Variants in NTM observed in about 807,000 individuals in gnomAD.
NTM encodes IgLON family member 2.
NTM carries 13 observed loss-of-function variants against 42.1 expected under a neutral mutation model. That is an observed-to-expected ratio of 0.31 (90% CI 0.20 to 0.49). NTM has a LOEUF of 0.49. NTM is among the 20% of genes least tolerant of loss of function. The pLI is 0.99. For synonymous variants in NTM, 187 were observed against 179.2 expected (o/e 1.04, Z -0.35); for missense variants, 373 against 452.8 (o/e 0.82, Z 1.60).
At chr11:131,649,670 G>C (rs1476092533) in intron 1 of NTM, among the ~76,000 whole-genome samples, 7 of 152,150 alleles carry the variant, frequency 4.6e-5, no homozygotes, top group Non-Finnish European at 8.8e-5. Flanking sequence ...GTGTTTGGGT[G>C]GGGGGAGGCG....
chr11:132,175,836 T>C (rs771569442), intron 3 of NTM, among the ~76,000 whole-genome samples: 37 of 152,172 alleles, frequency 2.4e-4, no homozygotes, highest in Non-Finnish European at 4.4e-4. Flanking sequence ...CCCCACCTCA[T>C]TCTATCTCAG....
At chr11:131,855,952 G>A (rs1375712459) in intron 1 of NTM, among the ~76,000 whole-genome samples, 1 of 152,150 alleles carries the variant, frequency 6.6e-6, no homozygotes, top group Non-Finnish European at 1.5e-5. Flanking sequence ...GTTTAAAATG[G>A]CCTACCCTGT....
At chr11:132,323,522 C>T (rs752612569) in intron 7 of NTM, among the ~76,000 whole-genome samples, 17,994 of 149,484 alleles carry the variant, frequency 0.12, 1,205 homozygotes, top group South Asian at 0.25. Flanking sequence ...TCTGAAATTG[C>T]GGCAATAATC....
At chr11:131,681,893 G>A (rs1038513245) in intron 1 of NTM, among the ~76,000 whole-genome samples, 1 of 148,642 alleles carries the variant, frequency 6.7e-6, no homozygotes, top group African/African-American at 2.5e-5. Flanking sequence ...GTGTCTCCTT[G>A]CGTGTGTCTG....
At chr11:132,162,613 ATG>A (rs1435328703) in intron 3 of NTM, among the ~76,000 whole-genome samples, 1 of 121,638 alleles carries the variant, frequency 8.2e-6, no homozygotes, top group African/African-American at 3.3e-5. Context: ...TGTGGGGGAC[ATG>A]TGTGAGTGTG....
rs61627120 is a variant in NTM at position 131,972,042 on chromosome 11, C to CAAAA, written c.167+60412_167+60415dup. 1.5e-3 allele frequency among the ~76,000 whole-genome samples: 87 copies of CAAAA among 57,822 alleles called. 3 individuals are homozygous for CAAAA. The highest frequency in any genetic ancestry group is 5.3e-3 in the African/African-American group (78 of 14,802). 37.9% of individuals were successfully genotyped at this position (57,822 alleles called of 152,430 possible). On this transcript the variant is annotated intron_variant, in intron 2 of 8. Transcript: ENST00000683400. ...TGGGCGACAGAGTGAGACTCCGTCT[C>CAAAA]AAAAAAAAAAAAAAAAAAAAATTAG...
intron 1 of NTM, among the ~76,000 whole-genome samples, chr11:131,654,519 A>T (rs2739284): frequency 4.6e-5 from 7 of 151,834 alleles, no homozygotes; most frequent in African/African-American, 1.5e-4. Flanking sequence ...CAGTGTCATC[A>T]CCCAGTCATA....
chr11:132,275,397 T>C (rs1482729620), intron 4 of NTM, among the ~76,000 whole-genome samples: 1 of 152,110 alleles, frequency 6.6e-6, no homozygotes, highest in African/African-American at 2.4e-5. Flanking sequence ...AATGTATATA[T>C]CAATCCTTGT....
At chr11:132,330,685 T>C (rs933698440) in intron 8 of NTM, among the ~76,000 whole-genome samples, 6 of 152,322 alleles carry the variant, frequency 3.9e-5, no homozygotes, top group African/African-American at 1.4e-4. Context: ...TATTTGAAGC[T>C]TTCATTCCTG....
chr11:131,866,539 C>G (rs929697092), intron 1 of NTM, among the ~76,000 whole-genome samples: 1 of 152,242 alleles, frequency 6.6e-6, no homozygotes, highest in African/African-American at 2.4e-5. Context: ...CTAAGACCCA[C>G]CTCACATTAA....
In NTM at chr11:131,598,869, CT is replaced by C. The variant is rs1565686856; in HGVS notation, c.82+227983del. On this transcript the variant is annotated intron_variant, in intron 1 of 8. Transcript: ENST00000683400. ...TCTTTCTTCCTTCCTTCCTTCCTTC[CT>C]TCCTTCTTCCTTCCTTCCTTCCTTC... Among the ~76,000 whole-genome samples the C allele has an allele frequency of 4.3e-3, 126 of 29,490 alleles. 21 individuals are homozygous for C. Among genetic ancestry groups the C allele is most frequent in the African/African-American group, 9.5e-3 (108 of 11,374 alleles). The allele number at this position is 29,490 out of a possible 152,430, so 19.3% of individuals were successfully genotyped here.
chr11:131,713,249 G>A lies in NTM; in HGVS notation c.83-198315G>A, dbSNP rs184915515. Among the ~76,000 whole-genome samples the A allele has an allele frequency of 3.9e-5, 6 of 152,298 alleles. No individual in the cohort carries two copies. The South Asian group carries it at 8.3e-4, about 21-fold the overall frequency. ...TTCTAAATATAAACGACACAATGCC[G>A]TAATACAAGTAAAAGAAAGGGAAGG... On this transcript the variant is annotated intron_variant, in intron 1 of 8. Transcript: ENST00000683400.
chr11:131,589,727 C>G (rs142188062), intron 1 of NTM, among the ~76,000 whole-genome samples: 1 of 152,118 alleles, frequency 6.6e-6, no homozygotes, highest in Non-Finnish European at 1.5e-5. Context: ...TACACACATG[C>G]GCACACACAT....
intron 3 of NTM, among the ~76,000 whole-genome samples, chr11:132,208,783 T>G (rs2082375766): frequency 6.6e-6 from 1 of 152,206 alleles, no homozygotes; most frequent in South Asian, 2.1e-4. Flanking sequence ...CTACAAACCC[T>G]AAATCACCCT....
intron 2 of NTM, among the ~76,000 whole-genome samples, chr11:131,973,238 C>T (rs1286205769): frequency 6.6e-6 from 1 of 152,284 alleles, no homozygotes; most frequent in African/African-American, 2.4e-5. Flanking sequence ...TTTTGTGCAT[C>T]CAGTTCTTCC....
intron 1 of NTM, among the ~76,000 whole-genome samples, chr11:131,549,277 C>A (rs921301736): frequency 2.0e-5 from 3 of 152,072 alleles, no homozygotes; most frequent in African/African-American, 7.2e-5. Flanking sequence ...TGAGATGGTA[C>A]CTGTGAGAAC....
chr11:132,168,669 A>G (rs1000193338), intron 3 of NTM, among the ~76,000 whole-genome samples: 3 of 152,208 alleles, frequency 2.0e-5, no homozygotes, highest in Non-Finnish European at 4.4e-5. Context: ...CCTTAAGTCC[A>G]GAGCATAAAT....
At chr11:132,031,449 G>A (rs2075905904) in intron 2 of NTM, among the ~76,000 whole-genome samples, 1 of 152,130 alleles carries the variant, frequency 6.6e-6, no homozygotes, top group Non-Finnish European at 1.5e-5. Context: ...GTGTAGGAGT[G>A]GGGATGGTAT....
intron 1 of NTM, among the ~76,000 whole-genome samples, chr11:131,614,623 G>T (rs1440363153): frequency 6.6e-6 from 1 of 152,174 alleles, no homozygotes; most frequent in Non-Finnish European, 1.5e-5. Flanking sequence ...CCAGTTTTCT[G>T]GGGCCAGCTC....
Sources: gnomAD v4.1 joint callset for allele counts (sites outside exome capture counted in the v4.1 genomes callset) on GRCh38, gnomAD v4.1.1 for gene constraint, MANE v1.5 for transcripts, NCBI Gene and HGNC (gene_info 2026-07-23, HGNC 2026-07-21) for gene names.